Variants in IMPA1 observed in about 807,000 individuals in gnomAD.
IMPA1 encodes the protein D-galactose 1-phosphate phosphatase.
A neutral mutation model predicts 34.9 loss-of-function variants in IMPA1; 21 were observed. The ratio of observed to expected loss-of-function variants is 0.60; its 90% CI spans 0.43 to 0.87. The LOEUF (loss-of-function observed/expected upper bound fraction) is 0.87, where lower values mean the gene tolerates loss of function less well. Ranked by LOEUF, IMPA1 falls within the 40% of genes least tolerant of loss-of-function variation. The pLI is 0.00. For synonymous variants in IMPA1, 95 were observed against 104.4 expected, an observed-to-expected ratio of 0.91 and a Z score of 0.55; for missense variants, 299 against 336.4, an observed-to-expected ratio of 0.89 and a Z score of 0.87.
Position 81,658,944 on chromosome 8 carries a change from T to C in IMPA1, c.*407A>G, listed in dbSNP as rs1381442651. 5.2e-6 allele frequency: 1 copy of C among 192,502 alleles called. No homozygotes were observed. Among genetic ancestry groups the C allele is most frequent in the Non-Finnish European group, 1.0e-5 (1 of 95,884 alleles). The allele number at this position is 192,502 out of a possible 1,614,324, so 11.9% of individuals were successfully genotyped here. On this transcript the variant is annotated 3_prime_UTR_variant, in exon 9 of 9. Coordinates refer to ENST00000256108, the MANE Select transcript of IMPA1 (RefSeq NM_005536.4). ...ACTCAGTATATCCTTACAAATTTAA[T>C]TATATATGGTTTTTGAAACTAAAGA...
At chr8:81,662,324 G>C (rs997411261) in intron 7 of IMPA1, among the ~76,000 whole-genome samples, 1 of 152,074 alleles carries the variant, frequency 6.6e-6, no homozygotes, top group East Asian at 1.9e-4. Flanking sequence ...TAATTCCCTG[G>C]TACTCTATTC....
intron 4 of IMPA1, among the ~76,000 whole-genome samples, chr8:81,677,315 G>A (rs1008499806): frequency 8.5e-5 from 13 of 152,178 alleles, no homozygotes; most frequent in South Asian, 2.1e-4. Flanking sequence ...GGCTAGTCTC[G>A]AACTCCCGAC....
chr8:81,679,047 C>T, intron 4 of IMPA1, 79 bp downstream of exon 4: 3 of 852,602 alleles, frequency 3.5e-6, no homozygotes, highest in Non-Finnish European at 5.8e-6. Flanking sequence ...CTAAAGTGTA[C>T]ATGTTCCTAA....
intron 3 of IMPA1, among the ~76,000 whole-genome samples, chr8:81,679,800 C>A (rs1181755493): frequency 1.3e-5 from 2 of 152,012 alleles, no homozygotes; most frequent in Non-Finnish European, 2.9e-5. Context: ...TGTGCACACA[C>A]ACATTTGCGG....
intron 1 of IMPA1, chr8:81,685,817 G>C (rs1807502392): frequency 3.9e-6 from 6 of 1,548,868 alleles, no homozygotes; most frequent in Middle Eastern, 1.7e-4. Flanking sequence ...TTTCTGTCCT[G>C]GTCACAGCCT....
At chr8:81,674,682 T>C in intron 5 of IMPA1, 2 of 378,706 alleles carry the variant, frequency 5.3e-6, no homozygotes, top group South Asian at 3.9e-5. Context: ...CCTGAAAAGT[T>C]AGGCACCTCA....
chr8:81,676,797 T>A (rs1297644586), intron 4 of IMPA1, among the ~76,000 whole-genome samples: 1 of 152,114 alleles, frequency 6.6e-6, no homozygotes, highest in East Asian at 1.9e-4. Context: ...CCAGCCTGGC[T>A]GGGCAACATG....
chr8:81,674,188 T>C, intron 5 of IMPA1: 1 of 393,340 alleles, frequency 2.5e-6, no homozygotes, highest in Non-Finnish European at 4.6e-6. Context: ...TTACTTCTCT[T>C]CCTCCTGCTT....
chr8:81,664,027 C>G (rs1422663855), intron 7 of IMPA1, among the ~76,000 whole-genome samples: 1 of 151,658 alleles, frequency 6.6e-6, no homozygotes, highest in Non-Finnish European at 1.5e-5. Context: ...GACAGAGACT[C>G]CGTCTCAGAA....
At chr8:81,679,025 G>C in intron 4 of IMPA1, 101 bp downstream of exon 4, 2 of 692,442 alleles carry the variant, frequency 2.9e-6, no homozygotes, top group Non-Finnish European at 2.5e-6. Flanking sequence ...CATAAACGAA[G>C]TATACAATTT....
chr8:81,676,498 C>A (rs749761166), intron 4 of IMPA1, among the ~76,000 whole-genome samples: 3 of 152,104 alleles, frequency 2.0e-5, no homozygotes, highest in Non-Finnish European at 2.9e-5. Context: ...CTCCCCCCAA[C>A]ACACAGGCAC....
chr8:81,670,718 G>C (rs1399825583), intron 7 of IMPA1, among the ~76,000 whole-genome samples: 1 of 152,110 alleles, frequency 6.6e-6, no homozygotes, highest in East Asian at 1.9e-4. Context: ...ATGCTATAAA[G>C]GACATTAGCA....
intron 4 of IMPA1, among the ~76,000 whole-genome samples, chr8:81,677,285 G>C (rs948328714): frequency 6.6e-6 from 1 of 152,044 alleles, no homozygotes; most frequent in Non-Finnish European, 1.5e-5. Context: ...CGTAGAGACG[G>C]GGTTTCTCCA....
intron 7 of IMPA1, among the ~76,000 whole-genome samples, chr8:81,663,359 T>C (rs139260381): frequency 2.6e-5 from 4 of 152,318 alleles, no homozygotes; most frequent in African/African-American, 4.8e-5. Flanking sequence ...CATTACTATA[T>C]AGACCACATA....
intron 7 of IMPA1, among the ~76,000 whole-genome samples, chr8:81,664,849 C>T (rs1434984070): frequency 6.8e-6 from 1 of 147,704 alleles, no homozygotes; most frequent in African/African-American, 2.5e-5. Context: ...CACATGTACC[C>T]TAAAACTTAA....
intron 2 of IMPA1, among the ~76,000 whole-genome samples, chr8:81,681,139 T>G (rs1807286705): frequency 6.6e-6 from 1 of 152,202 alleles, no homozygotes; most frequent in South Asian, 2.1e-4. Context: ...TTCACGCACG[T>G]AATCCCAGCA....
chr8:81,670,835 C>T (rs759165912), intron 7 of IMPA1, 104 bp downstream of exon 7: 49 of 569,060 alleles, frequency 8.6e-5, no homozygotes, highest in Admixed American at 4.0e-4. Flanking sequence ...CTTTAGAAAC[C>T]ATGATGTATA....
intron 1 of IMPA1, among the ~76,000 whole-genome samples, chr8:81,682,091 T>C (rs186358756): frequency 6.6e-6 from 1 of 152,306 alleles, no homozygotes; most frequent in Admixed American, 6.5e-5. Flanking sequence ...TTGAATTCAA[T>C]TCTGATTTTA....
At chr8:81,681,202 C>T (rs1180283442) in intron 2 of IMPA1, among the ~76,000 whole-genome samples, 2 of 152,082 alleles carry the variant, frequency 1.3e-5, no homozygotes, top group African/African-American at 4.8e-5. Context: ...GACAACACAG[C>T]GAGACCCTCA....
Sources: allele counts gnomAD v4.1 joint callset (sites outside exome capture counted in the v4.1 genomes callset), GRCh38; gene constraint gnomAD v4.1.1; transcripts MANE v1.5; gene names NCBI Gene and HGNC (gene_info 2026-07-23, HGNC 2026-07-21).